LRP5: variants seen among roughly 807,000 people sequenced by gnomAD.
LRP5 encodes LDL receptor related protein 5.
LRP5 carries 62 observed loss-of-function variants against 154.1 expected under a neutral mutation model. That is an observed-to-expected ratio of 0.40 (90% CI 0.33 to 0.50). LRP5 has a LOEUF of 0.50. LRP5 is among the 20% of genes least tolerant of loss of function. LRP5 has a pLI of 0.55. For synonymous variants in LRP5, 966 were observed against 1,011.5 expected (o/e 0.96, Z 0.85); for missense variants, 1,915 against 2,336.7 (o/e 0.82, Z 3.72).
rs934998436 is a variant in LRP5, at chr11:68,363,864, G to A, written c.804G>A (p.Gly268=). 1.9e-6 allele frequency: 3 copies of A among 1,613,146 alleles called. No homozygotes were observed. The highest frequency in any genetic ancestry group is 1.1e-5 in the South Asian group (1 of 91,046). ...RSIHACNKRT[G]GKRKEILSAL... ...TCCATGCCTGCAACAAGCGCACTGGGGGGAAGAGGAAGGAGATCCTGAGTG... is the reference window on the plus strand; with the variant it reads ...TCCATGCCTGCAACAAGCGCACTGGAGGGAAGAGGAAGGAGATCCTGAGTG... The change falls in exon 4 of 23, where the codon GGG becomes GGA. Residue 268 remains glycine (G), a synonymous_variant. Transcript: ENST00000294304.
intron 1 of LRP5, among the ~76,000 whole-genome samples, chr11:68,326,803 C>T (rs1156551223): frequency 1.3e-5 from 2 of 152,230 alleles, no homozygotes; most frequent in South Asian, 4.1e-4. Flanking sequence ...ACGTGTGTCT[C>T]CACACCAGAG....
intron 7 of LRP5, among the ~76,000 whole-genome samples, chr11:68,392,335 C>T (rs1266778674): frequency 3.3e-5 from 5 of 151,918 alleles, no homozygotes; most frequent in African/African-American, 7.3e-5. Context: ...GAAATCCAGT[C>T]TCTACTAAAA....
chr11:68,449,061 C>T lies in LRP5; in HGVS notation c.4839C>T (p.Asp1613=). Residue 1613 remains aspartate (D), a synonymous_variant, in exon 23 of 23, where the codon GAC becomes GAT. Transcript: ENST00000294304. The part of the protein sequence containing the change: ...LFPPPPSPCT[D]SS ...CGCCCCCTCCGTCCCCCTGCACGGA[C>T]TCATCCTGACCTCGGCCGGGCCACT... 6.4e-7 allele frequency: 1 copy of T among 1,556,322 alleles called. No homozygotes were observed. The highest frequency in any genetic ancestry group is 8.7e-7 in the Non-Finnish European group (1 of 1,152,458).
intron 1 of LRP5, among the ~76,000 whole-genome samples, chr11:68,331,568 T>G (rs2098602770): frequency 6.6e-6 from 1 of 152,256 alleles, no homozygotes; most frequent in South Asian, 2.1e-4. Flanking sequence ...CCGAGGTGTC[T>G]GAAACCAGCT....
At chr11:68,443,562 TATATATATATATATATATATA>T (rs1192628478) in intron 21 of LRP5, among the ~76,000 whole-genome samples, 3 of 34,432 alleles carry the variant, frequency 8.7e-5, no homozygotes, top group African/African-American at 2.8e-4. Flanking sequence ...TATATATATA[TATATATATATATATATATATA>T]TATTTTTTTT....
At chr11:68,370,931 A>G (rs2098633695) in intron 5 of LRP5, among the ~76,000 whole-genome samples, 1 of 152,162 alleles carries the variant, frequency 6.6e-6, no homozygotes, top group Non-Finnish European at 1.5e-5. Context: ...GAAAGATGCA[A>G]CTGGGAGTCT....
At chr11:68,439,701 G>C in intron 20 of LRP5, 76 bp from the exon 21 acceptor site, 1 of 1,480,604 alleles carries the variant, frequency 6.8e-7, no homozygotes, top group Non-Finnish European at 9.3e-7. Context: ...GGGAGCAGAG[G>C]AGAGCGCCCT....
chr11:68,341,056 G>GTTGTTTTTTTTTTT (rs1466472469), intron 1 of LRP5, among the ~76,000 whole-genome samples: 1 of 51,460 alleles, frequency 1.9e-5, no homozygotes, highest in Non-Finnish European at 4.0e-5. Context: ...GCTGGAGATT[G>GTTGTTTTTTTTTTT]TTCTTTTTTT....
chr11:68,308,923 ATTTTTTT>A (rs34529621), upstream of LRP5, among the ~76,000 whole-genome samples: 1,810 of 74,502 alleles, frequency 0.024, 31 homozygotes, highest in Middle Eastern at 0.04. Context: ...TAATCAGCTA[ATTTTTTT>A]TTTTTTTTTT....
chr11:68,421,456 C>T (rs962963523), intron 13 of LRP5, among the ~76,000 whole-genome samples: 2 of 152,148 alleles, frequency 1.3e-5, no homozygotes, highest in Non-Finnish European at 2.9e-5. Flanking sequence ...CACGGTGAGC[C>T]TGATTTTGGC....
intron 5 of LRP5, among the ~76,000 whole-genome samples, chr11:68,377,212 G>C: frequency 6.6e-6 from 1 of 152,170 alleles, no homozygotes; most frequent in East Asian, 1.9e-4. Flanking sequence ...CTGGCACCGA[G>C]GGATGGGAGA....
chr11:68,433,501 G>A, intron 17 of LRP5, 101 bp from the exon 18 acceptor site: 4 of 1,049,448 alleles, frequency 3.8e-6, no homozygotes, highest in East Asian at 2.4e-5. Flanking sequence ...CCAAACCCGC[G>A]CTGAGTCCCT....
At chr11:68,448,441 G>A (rs1215668550) in intron 22 of LRP5, among the ~76,000 whole-genome samples, 1 of 152,214 alleles carries the variant, frequency 6.6e-6, no homozygotes, top group Non-Finnish European at 1.5e-5. Context: ...CTTTCGAAAT[G>A]GGTACTATTT....
intron 21 of LRP5, among the ~76,000 whole-genome samples, chr11:68,441,330 G>T (rs1216292235): frequency 6.6e-6 from 1 of 151,998 alleles, no homozygotes; most frequent in African/African-American, 2.4e-5. Flanking sequence ...CTCCTGCCTC[G>T]GCCTCCCCAG....
At chr11:68,436,570 G>A (rs1165197782) in intron 18 of LRP5, among the ~76,000 whole-genome samples, 1 of 151,026 alleles carries the variant, frequency 6.6e-6, no homozygotes, top group Non-Finnish European at 1.5e-5. Flanking sequence ...CACCAACCTG[G>A]TAGAGCCTTG....
chr11:68,360,984 A>G (rs1187221807), intron 3 of LRP5, among the ~76,000 whole-genome samples: 2,507 of 53,620 alleles, frequency 0.047, no homozygotes, highest in Middle Eastern at 0.25. Context: ...GCGACAGAGC[A>G]AGACTCTATC....
At chr11:68,307,674 C>T (rs141149861), upstream of LRP5, among the ~76,000 whole-genome samples, 1 of 151,414 alleles carries the variant, frequency 6.6e-6, no homozygotes, top group South Asian at 2.1e-4. Context: ...AAAAATTATC[C>T]AGGTGCGGTG....
At chr11:68,377,374 C>T (rs749830170) in intron 5 of LRP5, among the ~76,000 whole-genome samples, 2 of 152,038 alleles carry the variant, frequency 1.3e-5, no homozygotes, top group Non-Finnish European at 2.9e-5. Context: ...GCCAGCTGCT[C>T]CTGGAGGGCC....
chr11:68,409,052 A>G (rs148072746), intron 9 of LRP5, among the ~76,000 whole-genome samples: 258 of 6,170 alleles, frequency 0.042, 3 homozygotes, highest in African/African-American at 0.054. Flanking sequence ...TTATCTGGGG[A>G]AAAAAAAAAA....
Sources: gnomAD v4.1 joint callset for allele counts (sites outside exome capture counted in the v4.1 genomes callset) on GRCh38, gnomAD v4.1.1 for gene constraint, MANE v1.5 for transcripts, NCBI Gene and HGNC (gene_info 2026-07-23, HGNC 2026-07-21) for gene names.